The following NFIL3 variants were observed in gnomAD, a reference collection of about 807,000 sequenced individuals.
NFIL3 encodes nuclear factor interleukin-3-regulated protein.
NFIL3 carries 5 observed loss-of-function variants against 10.0 expected under a neutral mutation model. The observed-to-expected ratio is 0.50, with a 90% CI of 0.26 to 1.06. NFIL3 has a LOEUF of 1.06. Ranked by LOEUF, NFIL3 falls within the 50% of genes least tolerant of loss-of-function variation. NFIL3 has a pLI of 0.13. For synonymous variants in NFIL3, 202 were observed against 206.5 expected, an observed-to-expected ratio of 0.98 and a Z score of 0.19; for missense variants, 436 against 547.6, an observed-to-expected ratio of 0.80 and a Z score of 2.03.
intron 1 of NFIL3, among the ~76,000 whole-genome samples, chr9:91,422,723 A>G (rs1833792375): frequency 6.6e-6 from 1 of 152,208 alleles, no homozygotes; most frequent in Non-Finnish European, 1.5e-5. Context: ...TGGGGAGGTA[A>G]ACGTCACAAT....
At chr9:91,474,758 A>G in the NFIL3 span, among the ~76,000 whole-genome samples, 1 of 152,218 alleles carries the variant, frequency 6.6e-6, no homozygotes, top group Non-Finnish European at 1.5e-5. Flanking sequence ...GCTAGCCAAA[A>G]GGTCTCTTTC....
chr9:91,417,498 T>G (rs1833678354), intron 1 of NFIL3, among the ~76,000 whole-genome samples: 1 of 152,216 alleles, frequency 6.6e-6, no homozygotes, highest in South Asian at 2.1e-4. Flanking sequence ...AAATTCACAG[T>G]ATCTGCGTCA....
At chr9:91,460,857 G>A in the NFIL3 span, among the ~76,000 whole-genome samples, 1 of 152,160 alleles carries the variant, frequency 6.6e-6, no homozygotes, top group African/African-American at 2.4e-5. Context: ...CAACTCAAAA[G>A]TACTATTTTA....
chr9:91,427,471 C>G (rs187527572), upstream of NFIL3, among the ~76,000 whole-genome samples: 57 of 152,334 alleles, frequency 3.7e-4, no homozygotes, highest in African/African-American at 1.3e-3. Context: ...GACCTCCTGT[C>G]TGGTCTGGTG....
chr9:91,462,313 C>T, the NFIL3 span, among the ~76,000 whole-genome samples: 4,586 of 152,102 alleles, frequency 0.03, 97 homozygotes, highest in East Asian at 0.093. Context: ...TCTGTGTTAT[C>T]CTATTAAGTA....
chr9:91,425,440 T>C (rs1693477486), upstream of NFIL3, among the ~76,000 whole-genome samples: 1 of 152,330 alleles, frequency 6.6e-6, no homozygotes, highest in Non-Finnish European at 1.5e-5. Context: ...AACGCACTCT[T>C]GTTCGTGATT....
upstream of NFIL3, among the ~76,000 whole-genome samples, chr9:91,428,426 G>A (rs1173874572): frequency 6.6e-6 from 1 of 152,126 alleles, no homozygotes; most frequent in East Asian, 1.9e-4. Context: ...TCCAGCCTCT[G>A]CCTCTCGGTC....
chr9:91,430,429 G>T, the NFIL3 span, among the ~76,000 whole-genome samples: 1 of 152,020 alleles, frequency 6.6e-6, no homozygotes, highest in Non-Finnish European at 1.5e-5. Flanking sequence ...TACTTAGCAG[G>T]GGCCAGAAAC....
At chr9:91,425,733 C>A (rs1010625063), upstream of NFIL3, among the ~76,000 whole-genome samples, 17 of 152,232 alleles carry the variant, frequency 1.1e-4, no homozygotes, top group African/African-American at 4.1e-4. Context: ...CGGCCACAGC[C>A]TCCCTGGTAG....
At chr9:91,432,408 G>C in the NFIL3 span, among the ~76,000 whole-genome samples, 41 of 152,186 alleles carry the variant, frequency 2.7e-4, no homozygotes, top group Non-Finnish European at 1.2e-4. Flanking sequence ...GAAAGGCTTA[G>C]CACAGGAGAT....
chr9:91,440,685 G>A, the NFIL3 span, among the ~76,000 whole-genome samples: 2 of 151,976 alleles, frequency 1.3e-5, no homozygotes, highest in Non-Finnish European at 2.9e-5. Flanking sequence ...GCATCCCATA[G>A]GTTTTAGTAT....
At chr9:91,475,455 C>T in the NFIL3 span, among the ~76,000 whole-genome samples, 1 of 152,062 alleles carries the variant, frequency 6.6e-6, no homozygotes, top group Non-Finnish European at 1.5e-5. Flanking sequence ...GCTGAAGGTA[C>T]AGAATTCTAA....
At chr9:91,444,936 T>C in the NFIL3 span, among the ~76,000 whole-genome samples, 8 of 152,138 alleles carry the variant, frequency 5.3e-5, no homozygotes, top group Non-Finnish European at 1.2e-4. Flanking sequence ...GTGCTCTGAG[T>C]GTCTGTAGAG....
chr9:91,459,841 A>G, the NFIL3 span, among the ~76,000 whole-genome samples: 2 of 152,130 alleles, frequency 1.3e-5, no homozygotes, highest in African/African-American at 2.4e-5. Context: ...GAATGTATGT[A>G]TAATGAATGA....
At chr9:91,473,745 A>C in the NFIL3 span, among the ~76,000 whole-genome samples, 12 of 152,324 alleles carry the variant, frequency 7.9e-5, no homozygotes, top group Admixed American at 5.9e-4. Flanking sequence ...AGTGAGATGA[A>C]CCAGGTACCT....
chr9:91,466,898 T>C, the NFIL3 span, among the ~76,000 whole-genome samples: 3 of 152,322 alleles, frequency 2.0e-5, 1 homozygote, highest in South Asian at 6.2e-4. Context: ...AGGCATTTTT[T>C]AGGCGAGATT....
At chr9:91,435,034 C>G in the NFIL3 span, among the ~76,000 whole-genome samples, 9 of 152,142 alleles carry the variant, frequency 5.9e-5, no homozygotes, top group South Asian at 2.1e-4. Flanking sequence ...TGATTCCAGG[C>G]ACCCCTGTGC....
the NFIL3 span, among the ~76,000 whole-genome samples, chr9:91,437,834 G>T: frequency 6.6e-6 from 1 of 152,168 alleles, no homozygotes; most frequent in East Asian, 1.9e-4. Flanking sequence ...CAAATGGCAG[G>T]ATCTCCTTTT....
At chr9:91,454,156 C>T in the NFIL3 span, among the ~76,000 whole-genome samples, 1 of 151,184 alleles carries the variant, frequency 6.6e-6, no homozygotes, top group Non-Finnish European at 1.5e-5. Flanking sequence ...ATCGCTTGAA[C>T]CCGGGAAGTG....
Sources: allele counts gnomAD v4.1 joint callset (sites outside exome capture counted in the v4.1 genomes callset), GRCh38; gene constraint gnomAD v4.1.1; transcripts MANE v1.5; gene names NCBI Gene and HGNC (gene_info 2026-07-23, HGNC 2026-07-21).